AP3B1: variants seen among roughly 807,000 people sequenced by gnomAD.
AP3B1 encodes the protein adaptor related protein complex 3 subunit beta 1.
In AP3B1, 61 loss-of-function variants were observed where a neutral mutation model predicts 132.5. The observed-to-expected ratio is 0.46, with a 90% CI of 0.37 to 0.57. The LOEUF (loss-of-function observed/expected upper bound fraction) is 0.57, where lower values mean the gene tolerates loss of function less well. Among genes scored for constraint, AP3B1 ranks in the 20% least tolerant of loss-of-function variants. The pLI is 0.00. For synonymous variants in AP3B1, 388 were observed against 438.3 expected, an observed-to-expected ratio of 0.89 and a Z score of 1.43; for missense variants, 1,120 against 1,289.4, an observed-to-expected ratio of 0.87 and a Z score of 2.01.
At chr5:78,153,953 C>T (rs1476085456) in intron 14 of AP3B1, among the ~76,000 whole-genome samples, 1 of 152,092 alleles carries the variant, frequency 6.6e-6, no homozygotes, top group Non-Finnish European at 1.5e-5. Flanking sequence ...ACGTTTTAGT[C>T]TTTCTATTCA....
intron 1 of AP3B1, among the ~76,000 whole-genome samples, chr5:78,289,888 T>A (rs985461574): frequency 4.6e-5 from 7 of 152,220 alleles, no homozygotes; most frequent in Non-Finnish European, 8.8e-5. Flanking sequence ...AATATCCATC[T>A]CATTTGAACA....
At chr5:78,265,509 C>T (rs1387519669) in intron 2 of AP3B1, among the ~76,000 whole-genome samples, 1 of 152,098 alleles carries the variant, frequency 6.6e-6, no homozygotes, top group Non-Finnish European at 1.5e-5. Context: ...AACTTGTTCT[C>T]TTATCAGTGT....
intron 1 of AP3B1, among the ~76,000 whole-genome samples, chr5:78,268,799 T>C (rs1259519398): frequency 6.6e-6 from 1 of 152,172 alleles, no homozygotes; most frequent in Admixed American, 6.6e-5. Flanking sequence ...CAACAACAAA[T>C]ACTGCATTAA....
chr5:78,136,717 T>C (rs998786206), intron 15 of AP3B1, among the ~76,000 whole-genome samples: 6 of 150,508 alleles, frequency 4.0e-5, no homozygotes, highest in African/African-American at 1.5e-4. Context: ...ATTGTACTTC[T>C]GGTTTTTTTT....
At chr5:78,272,439 C>T (rs1748584543) in intron 1 of AP3B1, among the ~76,000 whole-genome samples, 2 of 152,126 alleles carry the variant, frequency 1.3e-5, no homozygotes, top group Non-Finnish European at 2.9e-5. Flanking sequence ...ATACATATGA[C>T]CATTACTCTT....
chr5:78,161,103 G>C (rs967465560), intron 13 of AP3B1, among the ~76,000 whole-genome samples: 1 of 151,778 alleles, frequency 6.6e-6, no homozygotes, highest in Non-Finnish European at 1.5e-5. Flanking sequence ...CTTTTAGAGA[G>C]GAAGTATGTA....
At chr5:78,189,860 A>G (rs1744754490) in intron 7 of AP3B1, among the ~76,000 whole-genome samples, 1 of 150,386 alleles carries the variant, frequency 6.6e-6, no homozygotes, top group Admixed American at 6.7e-5. Flanking sequence ...ACAGAGCAAG[A>G]CTCCATCTCA....
At chr5:78,278,598 CAAAAAAAAAA>C (rs1181601782) in intron 1 of AP3B1, among the ~76,000 whole-genome samples, 3 of 10,312 alleles carry the variant, frequency 2.9e-4, no homozygotes, top group African/African-American at 8.9e-4. Flanking sequence ...GACTCCGTCT[CAAAAAAAAAA>C]AAAAAAAAAA....
intron 7 of AP3B1, among the ~76,000 whole-genome samples, chr5:78,196,638 G>A (rs1745087772): frequency 6.6e-6 from 1 of 152,092 alleles, no homozygotes; most frequent in Non-Finnish European, 1.5e-5. Context: ...TAGGTGAGTG[G>A]ATAAATAAAC....
chr5:78,113,695 C>T, intron 19 of AP3B1, 57 bp downstream of exon 19: 1 of 1,593,856 alleles, frequency 6.3e-7, no homozygotes, highest in Non-Finnish European at 8.6e-7. Context: ...AACATCTCTG[C>T]CTGGGGCAAA....
At chr5:78,116,760 A>C (rs1156845688) in intron 17 of AP3B1, among the ~76,000 whole-genome samples, 1 of 152,028 alleles carries the variant, frequency 6.6e-6, no homozygotes, top group East Asian at 1.9e-4. Context: ...TCCTGTAGCT[A>C]CCCTGGTCTG....
chr5:78,064,485 C>T (rs1179791290), intron 22 of AP3B1, among the ~76,000 whole-genome samples: 2 of 152,176 alleles, frequency 1.3e-5, no homozygotes, highest in African/African-American at 4.8e-5. Context: ...TCTTGTCTGG[C>T]TGGGGCTGCC....
At chr5:78,096,243 C>T (rs947384534) in intron 21 of AP3B1, among the ~76,000 whole-genome samples, 10 of 152,236 alleles carry the variant, frequency 6.6e-5, no homozygotes, top group African/African-American at 1.9e-4. Flanking sequence ...CAGCTCCTAA[C>T]CGCGAGTGAT....
chr5:78,043,839 C>A, intron 22 of AP3B1: 1 of 365,748 alleles, frequency 2.7e-6, no homozygotes, highest in Admixed American at 3.1e-5. Context: ...GGAATACACC[C>A]TGACTTTGGT....
intron 14 of AP3B1, among the ~76,000 whole-genome samples, chr5:78,152,565 T>C (rs1324051197): frequency 6.6e-6 from 1 of 152,174 alleles, no homozygotes; most frequent in Non-Finnish European, 1.5e-5. Context: ...CTCTGATTTT[T>C]ATTTCTTCTA....
chr5:78,201,955 GAT>G (rs1400983342), intron 7 of AP3B1, among the ~76,000 whole-genome samples: 7 of 152,168 alleles, frequency 4.6e-5, no homozygotes, highest in Non-Finnish European at 7.3e-5. Flanking sequence ...TATACAGTCT[GAT>G]ATGGTTTGGC....
chr5:78,184,625 T>C lies in AP3B1; in HGVS notation c.787-2963A>G, dbSNP rs572140788. ...ATGGCGTGAACCTGGGAGGCAGAGA[T>C]TGCAGTAAGCCGAGATTGGCCACTG... On this transcript the variant is annotated intron_variant, in intron 7 of 26. Transcript: ENST00000255194. Among the ~76,000 whole-genome samples the C allele has an allele frequency of 4.6e-5, 7 of 151,088 alleles. No individual in the cohort carries two copies. In the South Asian group the frequency reaches 1.3e-3, roughly 27 times the overall value.
At chr5:78,223,127 T>C (rs1746258645) in intron 6 of AP3B1, among the ~76,000 whole-genome samples, 1 of 151,120 alleles carries the variant, frequency 6.6e-6, no homozygotes, top group Non-Finnish European at 1.5e-5. Flanking sequence ...CCCAAAGTGC[T>C]AGGATTACAG....
intron 1 of AP3B1, among the ~76,000 whole-genome samples, chr5:78,279,869 T>TATATATATATATGAATTAA (rs1748969172): frequency 9.1e-6 from 1 of 109,856 alleles, no homozygotes; most frequent in Admixed American, 9.4e-5. Flanking sequence ...AGGACTTAAA[T>TATATATATATATGAATTAA]ATATATATAT....
Sources: gnomAD v4.1 joint callset for allele counts (sites outside exome capture counted in the v4.1 genomes callset) on GRCh38, gnomAD v4.1.1 for gene constraint, MANE v1.5 for transcripts, NCBI Gene and HGNC (gene_info 2026-07-23, HGNC 2026-07-21) for gene names.